MTMR4: variants seen among roughly 807,000 people sequenced by gnomAD.
The protein encoded by MTMR4 is phosphatidylinositol-3,5-bisphosphate 3-phosphatase MTMR4.
Under a neutral mutation model 125.5 loss-of-function variants are expected in MTMR4, and 30 were observed. The ratio of observed to expected loss-of-function variants is 0.24; its 90% CI spans 0.18 to 0.32. MTMR4 has a LOEUF of 0.32. Among genes scored for constraint, MTMR4 ranks in the 10% least tolerant of loss-of-function variants. MTMR4 has a pLI of 1.00. For synonymous variants in MTMR4, 498 were observed against 564.5 expected (o/e 0.88, Z 1.67); for missense variants, 1,039 against 1,511.5 (o/e 0.69, Z 5.18).
In MTMR4 at chr17:58,491,857, A is replaced by G. The variant is rs1209330388; in HGVS notation, c.3453-17T>C. 1.2e-6 allele frequency: 2 copies of G among 1,607,656 alleles called. No homozygotes were observed. The highest frequency in any genetic ancestry group is 3.3e-5 in the Admixed American group (2 of 59,906). The stretch of plus-strand genomic sequence containing the variant: ...CCACAATTTCTGTCAAAGCAGAAAG[A>G]GGGAAGAGTTCATCAGAAATGCCAA... On this transcript the variant is annotated splice_polypyrimidine_tract_variant and intron_variant, in intron 17 of 17. Coordinates refer to ENST00000682306, the MANE Select transcript of MTMR4 (RefSeq NM_001378067.1).
chr17:58,502,396 G>C (rs1391837573), intron 14 of MTMR4, among the ~76,000 whole-genome samples: 1 of 151,874 alleles, frequency 6.6e-6, no homozygotes, highest in Non-Finnish European at 1.5e-5. Context: ...GACCTCAAGT[G>C]ATCCACCTGC....
Position 58,492,866 on chromosome 17 carries a change from T to C in MTMR4, c.3339A>G (p.Glu1113=). 1 of 1,614,208 alleles carries C rather than the reference T, an allele frequency of 6.2e-7. No individual in the cohort carries two copies. The stretch of plus-strand genomic sequence containing the variant: ...CCTCAGTCTCTTTCTTATCAACAGG[T>C]TCCCAGCTTGCTTCTGAAAGGCAGT... ...SEDCLSEASW[E]PVDKKETEVT... The change falls in exon 16 of 18, where the codon GAA becomes GAG. Residue 1113 remains glutamate, a synonymous_variant. Transcript: ENST00000682306.
At chr17:58,506,467 G>C (rs1040951393) in intron 9 of MTMR4, among the ~76,000 whole-genome samples, 19 of 152,320 alleles carry the variant, frequency 1.2e-4, no homozygotes, top group African/African-American at 4.1e-4. Flanking sequence ...GGGATTACAG[G>C]CATGAGCCAC....
chr17:58,492,750 A>T (rs1975347123), intron 16 of MTMR4, 92 bp downstream of exon 16: 1 of 1,357,544 alleles, frequency 7.4e-7, no homozygotes, highest in Admixed American at 1.7e-5. Context: ...CCTCTGGGGG[A>T]CAGCTCAGTC....
chr17:58,507,918 T>TACACAC (rs57157273), intron 7 of MTMR4: 40 of 342,466 alleles, frequency 1.2e-4, no homozygotes, highest in African/African-American at 1.5e-4. Context: ...TACTATTTTA[T>TACACAC]ACACACACAC....
chr17:58,504,611 G>A lies in MTMR4; in HGVS notation c.1342-123C>T, dbSNP rs1975727785. On this transcript the variant is annotated intron_variant, in intron 11 of 17. Transcript: ENST00000682306. The surrounding 1 kb of genome is among the most constrained non-coding windows in gnomAD (Gnocchi z 7.1). ...AAGAAAAATAGGACTGGACCTAGAA[G>A]AGGACTCAAAGCCACCAATTTTCCA... 2.9e-6 allele frequency: 4 copies of A among 1,372,216 alleles called. No individual in the cohort carries two copies. The highest frequency in any genetic ancestry group is 4.0e-6 in the Non-Finnish European group (4 of 1,012,566). The allele number at this position is 1,372,216 out of a possible 1,614,324, so 85.0% of individuals were successfully genotyped here. A position where few individuals can be genotyped will look rare whatever the true frequency, so the allele number is the denominator to read the frequency against.
In MTMR4 at chr17:58,512,450, A is replaced by C. The variant is rs1975957707; in HGVS notation, c.192T>G (p.Asp64Glu). ...EGVEFLGRAA[D>E]ALIAISNYRL... ...GGTAGTTAGAGATGGCAATGAGGGC[A>C]TCGGCTGCCCGGCCCAGGAACTCTA... Residue 64 changes from aspartate (D) to glutamate (E), a missense_variant, in exon 3 of 18, where the codon GAT becomes GAG. Asp to Glu is a conservative substitution (Grantham distance 45). Around this residue, in one of 6 missense-constraint regions of MTMR4, gnomAD observed 202 missense variants for 311.9 expected, o/e 0.65. Transcript: ENST00000682306. The surrounding 1 kb of genome is among the most constrained non-coding windows in gnomAD (Gnocchi z 4.1). 6.2e-7 allele frequency: 1 copy of C among 1,614,194 alleles called. No homozygotes were observed. Among genetic ancestry groups the C allele is most frequent in the African/African-American group, 1.3e-5 (1 of 75,046 alleles).
At chr17:58,505,400 T>A (rs1975751850) in intron 10 of MTMR4, 72 bp downstream of exon 10, 4 of 1,333,816 alleles carry the variant, frequency 3.0e-6, no homozygotes, top group Non-Finnish European at 4.3e-6. Context: ...CATCTCCCCA[T>A]CTAATCTTCC....
intron 4 of MTMR4, chr17:58,510,665 G>A (rs1386596901): frequency 1.3e-5 from 2 of 151,964 alleles, no homozygotes; most frequent in Non-Finnish European, 2.9e-5. Context: ...GTAGAGATGG[G>A]GTCTCGTCCT....
At chr17:58,516,762 C>T (rs2042023873), upstream of MTMR4, 1 of 724,172 alleles carries the variant, frequency 1.4e-6, no homozygotes, top group East Asian at 2.6e-5. Context: ...CACAAGTCAC[C>T]ATGCCAGAGA....
At chr17:58,506,195 CTTTTTT>C (rs747855871) in intron 9 of MTMR4, among the ~76,000 whole-genome samples, 2 of 152,050 alleles carry the variant, frequency 1.3e-5, no homozygotes, top group African/African-American at 4.8e-5. Context: ...ACTTCTTTTT[CTTTTTT>C]AAGACAGGGT....
At position 58,514,620 on chromosome 17, in the gene MTMR4, C is replaced by T; in HGVS notation, c.-213G>A. Reference sequence around the variant, plus strand: ...GCGGGCCCAGCTCCGCCCTCCCGCACGAGTGCAGAAGGGAGGGGAGCCAGG... The same window carrying T: ...GCGGGCCCAGCTCCGCCCTCCCGCATGAGTGCAGAAGGGAGGGGAGCCAGG... On this transcript the variant is annotated 5_prime_UTR_variant, in exon 1 of 18. The change creates a new upstream start codon in the 5' untranslated region. Coordinates refer to ENST00000682306, the MANE Select transcript of MTMR4 (RefSeq NM_001378067.1). 1.0e-6 allele frequency: 1 copy of T among 985,240 alleles called. No individual in the cohort carries two copies. Among genetic ancestry groups the T allele is most frequent in the Non-Finnish European group, 1.2e-6 (1 of 829,866 alleles). 61.0% of individuals were successfully genotyped at this position (985,240 alleles called of 1,614,324 possible).
chr17:58,506,680 C>G, intron 9 of MTMR4, 63 bp downstream of exon 9: 1 of 1,587,934 alleles, frequency 6.3e-7, no homozygotes, highest in Non-Finnish European at 8.6e-7. Flanking sequence ...GGCCCCCAAC[C>G]CCCTCCTCAC....
intron 14 of MTMR4, 90 bp from the exon 15 acceptor site, chr17:58,496,420 C>G (rs1007130228): frequency 9.1e-7 from 1 of 1,098,854 alleles, no homozygotes; most frequent in African/African-American, 1.6e-5. Flanking sequence ...ATATCAAAGC[C>G]AGAGTTTAGA....
intron 14 of MTMR4, among the ~76,000 whole-genome samples, chr17:58,500,200 C>T (rs1975583734): frequency 6.6e-6 from 1 of 152,122 alleles, no homozygotes; most frequent in East Asian, 1.9e-4. Context: ...GATCACAGCT[C>T]ACTGCAGCCT....
intron 14 of MTMR4, among the ~76,000 whole-genome samples, chr17:58,497,747 T>C (rs980371708): frequency 1.3e-5 from 2 of 152,216 alleles, no homozygotes; most frequent in Admixed American, 6.5e-5. Context: ...TAGGTGCCAA[T>C]TGAATGTGTG....
At chr17:58,507,746 A>G (rs1279954725) in intron 7 of MTMR4, among the ~76,000 whole-genome samples, 2 of 152,190 alleles carry the variant, frequency 1.3e-5, no homozygotes, top group Admixed American at 1.3e-4. Context: ...GGTCACAACC[A>G]GTTTCTGTCA....
chr17:58,497,435 T>G (rs1045133093), intron 14 of MTMR4, among the ~76,000 whole-genome samples: 4 of 152,192 alleles, frequency 2.6e-5, no homozygotes, highest in Non-Finnish European at 4.4e-5. Flanking sequence ...ACAACATCTT[T>G]GCTGTGTGAC....
upstream of MTMR4, among the ~76,000 whole-genome samples, chr17:58,515,255 T>G (rs570288239): frequency 2.6e-5 from 4 of 152,142 alleles, no homozygotes; most frequent in East Asian, 7.7e-4. Context: ...CCACAGAAGC[T>G]ATACAAAAAA....
Sources: gnomAD v4.1 joint callset for allele counts (sites outside exome capture counted in the v4.1 genomes callset) on GRCh38, gnomAD v4.1.1 for gene constraint, gnomAD v4.1.1 regional missense constraint, Gnocchi (gnomAD v3.1) non-coding constraint, MANE v1.5 for transcripts, NCBI Gene and HGNC (gene_info 2026-07-23, HGNC 2026-07-21) for gene names.